The following RSU1 variants were observed in gnomAD, a reference collection of about 807,000 sequenced individuals.
RSU1 encodes Ras suppressor protein 1.
Under a neutral mutation model 31.1 loss-of-function variants are expected in RSU1, and 26 were observed. That is an observed-to-expected ratio of 0.84 (90% CI 0.61 to 1.16). RSU1 has a LOEUF of 1.16. RSU1 is among the 50% of genes most tolerant of loss of function. The pLI is 0.00. For missense variants in RSU1, 320 were observed against 339.1 expected (o/e 0.94, Z 0.44); for synonymous variants, 164 against 136.3 (o/e 1.20, Z -1.41).
At chr10:16,767,345 T>G (rs946958438) in intron 3 of RSU1, 2 of 152,214 alleles carry the variant, frequency 1.3e-5, no homozygotes, top group Non-Finnish European at 2.9e-5. Flanking sequence ...TAAATGCTGG[T>G]CTAAAGGTAT....
chr10:16,662,200 C>G (rs1164838704), intron 8 of RSU1, among the ~76,000 whole-genome samples: 1 of 152,168 alleles, frequency 6.6e-6, no homozygotes, highest in East Asian at 1.9e-4. Flanking sequence ...TGGTATAACA[C>G]AATACATTGA....
At chr10:16,800,544 G>C (rs552966489) in intron 2 of RSU1, among the ~76,000 whole-genome samples, 2 of 152,302 alleles carry the variant, frequency 1.3e-5, no homozygotes, top group Admixed American at 6.5e-5. Flanking sequence ...GAAAAGCAAA[G>C]AGAAAGAAGA....
chr10:16,777,979 A>G (rs1267447167), intron 3 of RSU1, among the ~76,000 whole-genome samples: 1 of 148,398 alleles, frequency 6.7e-6, no homozygotes, highest in Non-Finnish European at 1.5e-5. Flanking sequence ...GATTGTAAAG[A>G]TGAGATGGCC....
At chr10:16,697,347 G>A (rs1835696830) in intron 7 of RSU1, among the ~76,000 whole-genome samples, 1 of 152,130 alleles carries the variant, frequency 6.6e-6, no homozygotes, top group African/African-American at 2.4e-5. Flanking sequence ...ATAAACTTGA[G>A]GTGTTTGGAA....
At chr10:16,621,783 C>A (rs976237836) in intron 8 of RSU1, among the ~76,000 whole-genome samples, 2 of 152,218 alleles carry the variant, frequency 1.3e-5, no homozygotes, top group Admixed American at 1.3e-4. Flanking sequence ...TTACCTCCCA[C>A]TGGGTCCCTC....
intron 8 of RSU1, among the ~76,000 whole-genome samples, chr10:16,672,887 T>C (rs570789221): frequency 1.2e-4 from 18 of 152,342 alleles, no homozygotes; most frequent in African/African-American, 4.3e-4. Flanking sequence ...TGTATGCCAA[T>C]TGTTGTCAAA....
intron 8 of RSU1, among the ~76,000 whole-genome samples, chr10:16,673,786 C>T (rs59024542): frequency 0.092 from 14,068 of 152,176 alleles, 1,530 homozygotes; most frequent in African/African-American, 0.26. Flanking sequence ...TCTTTATGCT[C>T]GCTTCTGCCT....
chr10:16,608,077 C>A (rs1018150672), intron 8 of RSU1, among the ~76,000 whole-genome samples: 6 of 152,212 alleles, frequency 3.9e-5, no homozygotes, highest in African/African-American at 1.4e-4. Context: ...GCCATCCACC[C>A]GCCTTGGCCT....
intron 8 of RSU1, among the ~76,000 whole-genome samples, chr10:16,614,406 G>C (rs1833941568): frequency 6.6e-6 from 1 of 150,500 alleles, no homozygotes; most frequent in South Asian, 2.1e-4. Flanking sequence ...AATGGTTAAT[G>C]GTTAAAAAAA....
At chr10:16,715,492 GC>G (rs1232556670) in intron 7 of RSU1, among the ~76,000 whole-genome samples, 42 of 152,022 alleles carry the variant, frequency 2.8e-4, no homozygotes, top group African/African-American at 9.2e-4. Flanking sequence ...ATGTTATTAG[GC>G]AAGGGTCCAA....
rs936916863 is a variant in RSU1, at chr10:16,810,478, G to A, written c.109+6495C>T. Among the ~76,000 whole-genome samples the A allele has an allele frequency of 1.1e-4, 17 of 152,060 alleles. No individual in the cohort carries two copies. The East Asian group carries it at 1.9e-3, about 17-fold the overall frequency. On this transcript the variant is annotated intron_variant, in intron 2 of 8. Coordinates refer to ENST00000345264, the MANE Select transcript of RSU1 (RefSeq NM_012425.4). The stretch of plus-strand genomic sequence containing the variant: ...GCTGTTCCCCCAGCAGCCGCCCCCC[G>A]GGCTATGCACAGCTCTGAACTCGCC...
chr10:16,717,089 C>G (rs1321110345), intron 7 of RSU1, among the ~76,000 whole-genome samples: 1 of 152,098 alleles, frequency 6.6e-6, no homozygotes, highest in Non-Finnish European at 1.5e-5. Context: ...TATAAATACC[C>G]TTGAATCCAA....
At chr10:16,602,579 G>A (rs1437916102) in intron 8 of RSU1, among the ~76,000 whole-genome samples, 1 of 152,180 alleles carries the variant, frequency 6.6e-6, no homozygotes, top group Non-Finnish European at 1.5e-5. Flanking sequence ...ATACACTCCA[G>A]GCACTGCTAG....
intron 7 of RSU1, among the ~76,000 whole-genome samples, chr10:16,722,443 A>T (rs1836285965): frequency 6.6e-6 from 1 of 152,154 alleles, no homozygotes; most frequent in African/African-American, 2.4e-5. Flanking sequence ...TCATCGACCT[A>T]AGCACAGAAT....
intron 2 of RSU1, among the ~76,000 whole-genome samples, chr10:16,796,030 C>G (rs889971993): frequency 1.3e-5 from 2 of 152,142 alleles, no homozygotes; most frequent in South Asian, 4.1e-4. Flanking sequence ...GCAGGAGGAG[C>G]TGGAATCCTA....
intron 7 of RSU1, among the ~76,000 whole-genome samples, chr10:16,695,611 C>T (rs891234770): frequency 1.3e-5 from 2 of 152,144 alleles, no homozygotes; most frequent in African/African-American, 4.8e-5. Context: ...ATTACCCAAG[C>T]CAAACCGTTG....
chr10:16,718,337 C>T (rs1230734879), intron 7 of RSU1, among the ~76,000 whole-genome samples: 1 of 152,040 alleles, frequency 6.6e-6, no homozygotes, highest in Non-Finnish European at 1.5e-5. Flanking sequence ...TACTCAGTAG[C>T]AAGAATCATT....
At chr10:16,813,058 A>G (rs1044066351) in intron 2 of RSU1, among the ~76,000 whole-genome samples, 3 of 151,992 alleles carry the variant, frequency 2.0e-5, no homozygotes, top group African/African-American at 4.8e-5. Context: ...TACAAACTCA[A>G]ACTCCTGGGT....
At position 16,790,941 on chromosome 10, in the gene RSU1, CTCTTT is replaced by C. The variant is rs578262297; in HGVS notation, c.110-8862_110-8858del. On this transcript the variant is annotated intron_variant, in intron 2 of 8. Coordinates refer to ENST00000345264, the MANE Select transcript of RSU1 (RefSeq NM_012425.4). ...CTGTGGAACTGTGAGCCAATTAAAC[CTCTTT>C]TCTTCAGAAACTACCCAGCCTCAAG... Among the ~76,000 whole-genome samples the C allele has an allele frequency of 3.9e-5, 6 of 152,284 alleles. No individual in the cohort carries two copies. The South Asian group carries it at 1.0e-3, about 26-fold the overall frequency.
Sources: gnomAD v4.1 joint callset for allele counts (sites outside exome capture counted in the v4.1 genomes callset) on GRCh38, gnomAD v4.1.1 for gene constraint, MANE v1.5 for transcripts, NCBI Gene and HGNC (gene_info 2026-07-23, HGNC 2026-07-21) for gene names.